Variants in VPS45 observed in about 807,000 individuals in gnomAD.
The protein encoded by VPS45 is vacuolar protein sorting 45 homolog.
In VPS45, 35 loss-of-function variants were observed where a neutral mutation model predicts 75.9. The ratio of observed to expected loss-of-function variants is 0.46; its 90% CI spans 0.35 to 0.61. The LOEUF (loss-of-function observed/expected upper bound fraction) is 0.61, where lower values mean the gene tolerates loss of function less well. Among genes scored for constraint, VPS45 ranks in the 20% least tolerant of loss-of-function variants. The pLI is 0.00. For missense variants in VPS45, 559 were observed against 685.9 expected (o/e 0.81, Z 2.07); for synonymous variants, 220 against 238.2 (o/e 0.92, Z 0.70).
At position 150,077,351 on chromosome 1, in the gene VPS45, G is replaced by A. The variant is rs10494263; in HGVS notation, c.576+120G>A. 10,111 of 1,246,602 alleles carry A rather than the reference G, an allele frequency of 8.1e-3. 584 individuals carry two copies. In the African/African-American group the frequency reaches 0.13, roughly 16 times the overall value. The allele number at this position is 1,246,602 out of a possible 1,614,324, so 77.2% of individuals were successfully genotyped here. On this transcript the variant is annotated intron_variant, in intron 6 of 14. Coordinates refer to ENST00000644510, the MANE Select transcript of VPS45 (RefSeq NM_007259.5). ...GGAGATGATTGTATGTTAGGTTTCCGCGAAAAGAGGTAGGTATATGTAATT... is the reference window on the plus strand; with the variant it reads ...GGAGATGATTGTATGTTAGGTTTCCACGAAAAGAGGTAGGTATATGTAATT...
intron 13 of VPS45, chr1:150,109,489 G>A (rs1657521212): frequency 6.6e-6 from 1 of 152,234 alleles, no homozygotes; most frequent in Non-Finnish European, 1.5e-5. Context: ...AGACAAGCAG[G>A]AAGGAAATGT....
chr1:150,074,955 CTTTTTTTTTT>C (rs782039324), intron 3 of VPS45, among the ~76,000 whole-genome samples: 2 of 81,114 alleles, frequency 2.5e-5, no homozygotes, highest in East Asian at 3.7e-4. Context: ...ATTATTTATT[CTTTTTTTTTT>C]TTTTTTTTTT....
chr1:150,136,746 C>T (rs1553813812), intron 14 of VPS45, among the ~76,000 whole-genome samples: 1 of 128,310 alleles, frequency 7.8e-6, no homozygotes, highest in Non-Finnish European at 1.6e-5. Context: ...TGAGGAAAAG[C>T]ATGATTAAGG....
At chr1:150,141,254 A>G (rs1442990872) in intron 14 of VPS45, among the ~76,000 whole-genome samples, 1 of 152,058 alleles carries the variant, frequency 6.6e-6, no homozygotes, top group Non-Finnish European at 1.5e-5. Context: ...TCTGCTCCCC[A>G]CAAGTTCTAT....
At position 150,091,999 on chromosome 1, in the gene VPS45, G is replaced by A. The variant is rs781817626; in HGVS notation, c.1167G>A (p.Met389Ile). ...AGTTTGATGCTGCCCGCCTGGTGAT[G>A]CTTTATGCTTTACATTATGAGCGAC... ...VTEFDAARLV[M>I]LYALHYERHS... The change falls in exon 11 of 15, where the codon ATG (methionine) becomes ATA (isoleucine). Residue 389 changes from methionine to isoleucine, a missense_variant. By Grantham distance (10) the Met-to-Ile change is conservative (BLOSUM62 1). Coordinates refer to ENST00000644510, the MANE Select transcript of VPS45 (RefSeq NM_007259.5). The A allele has an allele frequency of 3.1e-6, 5 of 1,613,942 alleles. No homozygotes were observed. In the African/African-American group the frequency reaches 5.3e-5, roughly 17 times the overall value.
At chr1:150,127,130 C>T (rs1302206687) in intron 14 of VPS45, among the ~76,000 whole-genome samples, 2 of 152,078 alleles carry the variant, frequency 1.3e-5, no homozygotes, top group Non-Finnish European at 2.9e-5. Context: ...TGTAAAATAT[C>T]TCAGTACTTT....
chr1:150,077,488 A>G (rs1347467499), intron 6 of VPS45, 181 bp from the exon 7 acceptor site: 1 of 671,550 alleles, frequency 1.5e-6, no homozygotes, highest in Non-Finnish European at 2.5e-6. Context: ...ATAGGGTTTC[A>G]TATCCTAACC....
chr1:150,068,985 C>T, intron 2 of VPS45: 2 of 489,812 alleles, frequency 4.1e-6, no homozygotes, highest in Non-Finnish European at 7.1e-6. Context: ...GGTTCACAGC[C>T]ATTCCCATTG....
At chr1:150,071,558 A>G (rs1553797037) in intron 2 of VPS45, among the ~76,000 whole-genome samples, 2 of 152,126 alleles carry the variant, frequency 1.3e-5, no homozygotes, top group Non-Finnish European at 2.9e-5. Flanking sequence ...AGGCCAAGCC[A>G]GGTGGATCAG....
intron 13 of VPS45, among the ~76,000 whole-genome samples, chr1:150,094,191 TG>T (rs1372691306): frequency 6.6e-6 from 1 of 152,210 alleles, no homozygotes; most frequent in Non-Finnish European, 1.5e-5. Flanking sequence ...AAACAAAACT[TG>T]TCCAGAACAA....
At chr1:150,086,838 C>T (rs1656042507) in intron 10 of VPS45, among the ~76,000 whole-genome samples, 1 of 152,056 alleles carries the variant, frequency 6.6e-6, no homozygotes, top group African/African-American at 2.4e-5. Context: ...TTTGTCAGAT[C>T]AGCATGTGGA....
intron 2 of VPS45, among the ~76,000 whole-genome samples, chr1:150,069,735 C>T (rs1282215332): frequency 2.0e-5 from 3 of 152,224 alleles, no homozygotes; most frequent in African/African-American, 4.8e-5. Flanking sequence ...GGATTACAGG[C>T]GGGAGCCACC....
intron 10 of VPS45, chr1:150,083,122 A>G: frequency 2.9e-6 from 1 of 350,252 alleles, no homozygotes; most frequent in Non-Finnish European, 5.1e-6. Context: ...TCTACTAGAA[A>G]GAGCACCAAA....
chr1:150,139,045 G>A lies in VPS45; in HGVS notation c.1626-5664G>A, dbSNP rs1407344032. Among the ~76,000 whole-genome samples the A allele has an allele frequency of 5.9e-5, 9 of 152,074 alleles. No individual in the cohort carries two copies. In the South Asian group the frequency reaches 6.2e-4, roughly 11 times the overall value. ...CACTACTGCTCTGGTCCATGCCACCGTCACTTCCCACTGGGATTACTGCAG... is the reference window on the plus strand; with the variant it reads ...CACTACTGCTCTGGTCCATGCCACCATCACTTCCCACTGGGATTACTGCAG... On this transcript the variant is annotated intron_variant, in intron 14 of 14. Coordinates refer to ENST00000644510, the MANE Select transcript of VPS45 (RefSeq NM_007259.5).
chr1:150,091,784 A>G (rs1464019414), intron 10 of VPS45, among the ~76,000 whole-genome samples, 153 bp from the exon 11 acceptor site: 1 of 152,184 alleles, frequency 6.6e-6, no homozygotes, highest in Non-Finnish European at 1.5e-5. Context: ...AAGGCATTTA[A>G]TTTTCTATAG....
intron 13 of VPS45, among the ~76,000 whole-genome samples, chr1:150,108,247 G>A (rs1208573481): frequency 6.6e-6 from 1 of 152,172 alleles, no homozygotes; most frequent in Non-Finnish European, 1.5e-5. Context: ...GGCTGGAGAT[G>A]GAGATTTGGG....
intron 14 of VPS45, among the ~76,000 whole-genome samples, chr1:150,140,075 G>T (rs1553814871): frequency 6.6e-6 from 1 of 151,988 alleles, no homozygotes; most frequent in Admixed American, 6.6e-5. Context: ...TGTATTTTTA[G>T]TAGAGACAGG....
chr1:150,110,351 T>G (rs1357131295), intron 13 of VPS45, 145 bp from the exon 14 acceptor site: 1 of 801,006 alleles, frequency 1.2e-6, no homozygotes, highest in African/African-American at 1.8e-5. Flanking sequence ...TAATTGAAAC[T>G]TTTTTTAAAC....
At chr1:150,088,310 A>G (rs1300330094) in intron 10 of VPS45, among the ~76,000 whole-genome samples, 3 of 151,764 alleles carry the variant, frequency 2.0e-5, no homozygotes, top group African/African-American at 7.3e-5. Flanking sequence ...GATTCCACAT[A>G]TGAGTAAGAT....
Sources: gnomAD v4.1 joint callset for allele counts (sites outside exome capture counted in the v4.1 genomes callset) on GRCh38, gnomAD v4.1.1 for gene constraint, MANE v1.5 for transcripts, NCBI Gene and HGNC (gene_info 2026-07-23, HGNC 2026-07-21) for gene names.